Variants in PNPO observed in about 807,000 individuals in gnomAD.
PNPO encodes pyridoxine-5'-phosphate oxidase.
In PNPO, 39 loss-of-function variants were observed where a neutral mutation model predicts 35.0. The ratio of observed to expected loss-of-function variants is 1.11; its 90% CI spans 0.86 to 1.45. PNPO has a LOEUF of 1.45. Among genes scored for constraint, PNPO ranks in the 40% most tolerant of loss-of-function variants. The probability of loss-of-function intolerance (pLI) is 0.00; values close to 1 mark genes in which losing one functional copy is unlikely to be tolerated. For synonymous variants in PNPO, 115 were observed against 119.8 expected (o/e 0.96, Z 0.26); for missense variants, 288 against 340.0 (o/e 0.85, Z 1.20).
chr17:47,946,983 G>A lies in PNPO; in HGVS notation c.*201G>A, dbSNP rs1035636905. Reference sequence around the variant, plus strand: ...TGGTCAAGTGGAGTGTAATGGTGGCGTAGAGAATCACAAATGGAAAATAAT... The same window carrying A: ...TGGTCAAGTGGAGTGTAATGGTGGCATAGAGAATCACAAATGGAAAATAAT... On this transcript the variant is annotated 3_prime_UTR_variant, in exon 7 of 7. Coordinates refer to ENST00000642017, the MANE Select transcript of PNPO (RefSeq NM_018129.4). 1.8e-5 allele frequency: 11 copies of A among 595,326 alleles called. No homozygotes were observed. The highest frequency in any genetic ancestry group is 8.1e-5 in the South Asian group (4 of 49,232). 36.9% of individuals were successfully genotyped at this position (595,326 alleles called of 1,614,324 possible). A position where few individuals can be genotyped will look rare whatever the true frequency, so the allele number is the denominator to read the frequency against.
intron 1 of PNPO, 129 bp from the exon 2 acceptor site, chr17:47,943,177 C>T (rs2035964756): frequency 1.4e-6 from 1 of 707,912 alleles, no homozygotes; most frequent in East Asian, 3.0e-5. Context: ...TTACTGCATA[C>T]TATTTCTTAT....
chr17:47,949,062 C>T lies in PNPO; in HGVS notation c.*2280C>T, dbSNP rs1438039632. 1 of 152,318 alleles carries T rather than the reference C, an allele frequency of 6.6e-6. No homozygotes were observed. The highest frequency in any genetic ancestry group is 1.5e-5 in the Non-Finnish European group (1 of 68,098). The allele number at this position is 152,318 out of a possible 1,614,324, so 9.4% of individuals were successfully genotyped here. A position where few individuals can be genotyped will look rare whatever the true frequency, so the allele number is the denominator to read the frequency against. ...GGAAGGCACATTAACCCTGTGGCCCCCTGCAGGCAGGAGGGTGTTGGGTGC... is the reference window on the plus strand; with the variant it reads ...GGAAGGCACATTAACCCTGTGGCCCTCTGCAGGCAGGAGGGTGTTGGGTGC... On this transcript the variant is annotated 3_prime_UTR_variant, in exon 7 of 7. Transcript: ENST00000642017.
intron 1 of PNPO, chr17:47,942,017 T>C (rs1244875550): frequency 6.8e-6 from 9 of 1,330,526 alleles, no homozygotes; most frequent in East Asian, 5.6e-5. Flanking sequence ...GAAACGCAAA[T>C]GAAGATGGGT....
At position 47,941,715 on chromosome 17, in the gene PNPO, C is replaced by A; in HGVS notation, c.40C>A (p.Arg14=). The change falls in exon 1 of 7, where the codon CGA becomes AGA. Residue 14 remains arginine (R), a synonymous_variant. Transcript: ENST00000642017. ...WLRGVTATFG[R]PAEWPGYLSH... ...GCGGGGCGTCACGGCGACGTTCGGG[C>A]GACCTGCCGAGTGGCCAGGCTACCT... 6.5e-7 allele frequency: 1 copy of A among 1,543,060 alleles called. No homozygotes were observed. The highest frequency in any genetic ancestry group is 8.8e-7 in the Non-Finnish European group (1 of 1,141,688).
intron 5 of PNPO, 106 bp downstream of exon 5, chr17:47,946,095 T>A: frequency 7.0e-7 from 1 of 1,433,240 alleles, no homozygotes; most frequent in Non-Finnish European, 9.7e-7. Flanking sequence ...ATGTCCTCTC[T>A]CTCCAGCCCA....
chr17:47,942,179 G>A (rs2035946373), intron 1 of PNPO: 1 of 361,272 alleles, frequency 2.8e-6, no homozygotes, highest in African/African-American at 2.2e-5. Flanking sequence ...TTTGTAAAGT[G>A]CTTAGAACCC....
intron 1 of PNPO, among the ~76,000 whole-genome samples, chr17:47,943,039 C>G (rs1169457419): frequency 6.6e-6 from 1 of 152,182 alleles, no homozygotes; most frequent in Non-Finnish European, 1.5e-5. Flanking sequence ...CCAGGTGATT[C>G]TGATGCACAG....
intron 1 of PNPO, chr17:47,942,141 C>A: frequency 1.5e-6 from 1 of 689,514 alleles, no homozygotes; most frequent in Non-Finnish European, 1.9e-6. Context: ...ATAGTATCTG[C>A]CTCACGGGGA....
rs778264115 is a variant in PNPO, at chr17:47,943,447, G to A, written c.263+17G>A. ...CTGCACCAGGTGGGCATGGCTGTGG[G>A]CCCCTCTTTGGGTGGATACATATGA... On this transcript the variant is annotated intron_variant, in intron 2 of 6. Coordinates refer to ENST00000642017, the MANE Select transcript of PNPO (RefSeq NM_018129.4). 2.5e-6 allele frequency: 4 copies of A among 1,612,582 alleles called. No homozygotes were observed. In the South Asian group the frequency reaches 4.4e-5, roughly 18 times the overall value.
At position 47,946,663 on chromosome 17, in the gene PNPO, A is replaced by G. The variant is rs1598200536; in HGVS notation, c.667A>G (p.Thr223Ala). The change falls in exon 7 of 7, where the codon ACC (threonine) becomes GCC (alanine). Residue 223 changes from threonine to alanine, a missense_variant. Physicochemically the swap from Thr to Ala is moderately conservative, Grantham distance 58. Coordinates refer to ENST00000642017, the MANE Select transcript of PNPO (RefSeq NM_018129.4). ...PQVMEFWQGQTNRLHDRIVFR... is the reference protein window; with the variant it reads ...PQVMEFWQGQANRLHDRIVFR... ...GGTGATGGAGTTCTGGCAAGGTCAAACCAACCGCCTGCATGACCGGATAGT... is the reference window on the plus strand; with the variant it reads ...GGTGATGGAGTTCTGGCAAGGTCAAGCCAACCGCCTGCATGACCGGATAGT... The G allele has an allele frequency of 6.2e-7, 1 of 1,614,094 alleles. No individual in the cohort carries two copies. The highest frequency in any genetic ancestry group is 1.7e-5 in the Admixed American group (1 of 60,014).
rs753555879 is a variant in PNPO, at chr17:47,944,721, T to C, written c.363+6T>C. On this transcript the variant is annotated splice_donor_region_variant and intron_variant, in intron 3 of 6. Coordinates refer to ENST00000642017, the MANE Select transcript of PNPO (RefSeq NM_018129.4). ...GTCGAAAAGGAAAAGAGCTGGTGGG[T>C]GAAAAGAGCTAGTAATCTTTCCCAG... The C allele has an allele frequency of 4.4e-6, 7 of 1,608,138 alleles. No homozygotes were observed. The Admixed American group carries it at 8.3e-5, about 19-fold the overall frequency.
In PNPO at chr17:47,946,358, C is replaced by G. The variant is rs562226394; in HGVS notation, c.582C>G (p.Leu194=). The change falls in exon 6 of 7, where the codon CTC becomes CTG. Residue 194 remains leucine (L), a synonymous_variant. Coordinates refer to ENST00000642017, the MANE Select transcript of PNPO (RefSeq NM_018129.4). ...AGAAAAATGAGGAACTGGAACAGCT[C>G]TACCAGGATCAAGAGGTGCCCAAGC... ...LRKKNEELEQ[L]YQDQEVPKPK... is the part of the protein sequence containing the mutation. 1 of 1,613,700 alleles carries G rather than the reference C, an allele frequency of 6.2e-7. No homozygotes were observed. The highest frequency in any genetic ancestry group is 1.1e-5 in the South Asian group (1 of 91,074).
In PNPO at chr17:47,945,640, G is replaced by C. The variant is rs750972930; in HGVS notation, c.417+28G>C. 1.3e-6 allele frequency: 2 copies of C among 1,592,754 alleles called. No homozygotes were observed. Among genetic ancestry groups the C allele is most frequent in the Non-Finnish European group, 1.7e-6 (2 of 1,160,522 alleles). ...GAGTGAATTTTCCCAGGACAGCCTG[G>C]GATGGGCTGGGTTGGCAGGGCCTGA... On this transcript the variant is annotated intron_variant, in intron 4 of 6. Transcript: ENST00000642017. This position sits in a 1 kb window ranked among gnomAD's most constrained non-coding sequence, Gnocchi z 4.0.
chr17:47,944,200 C>CGTGT (rs3047638), intron 2 of PNPO, among the ~76,000 whole-genome samples: 7,054 of 142,134 alleles, frequency 0.05, 251 homozygotes, highest in African/African-American at 0.094. Context: ...CACTGCCTTT[C>CGTGT]GTGTGTGTGT....
rs1333627250 is a variant in PNPO at position 47,941,623 on chromosome 17, T to C, written c.-53T>C. ...CCAGGGTGAGAAATTGGTTCCGAAC[T>C]CAAAGGAACCCAGTGCCGGGCCACA... On this transcript the variant is annotated 5_prime_UTR_variant, in exon 1 of 7. Transcript: ENST00000642017. 2 of 1,476,692 alleles carry C rather than the reference T, an allele frequency of 1.4e-6. No homozygotes were observed. Among genetic ancestry groups the C allele is most frequent in the African/African-American group, 2.8e-5 (2 of 71,098 alleles). The allele number at this position is 1,476,692 out of a possible 1,614,324, so 91.5% of individuals were successfully genotyped here.
At position 47,941,611 on chromosome 17, in the gene PNPO, T is replaced by C. The variant is rs1304036574; in HGVS notation, c.-65T>C. The C allele has an allele frequency of 1.5e-5, 22 of 1,460,634 alleles. No homozygotes were observed. The highest frequency in any genetic ancestry group is 2.6e-5 in the East Asian group (1 of 39,068). The allele number at this position is 1,460,634 out of a possible 1,614,324, so 90.5% of individuals were successfully genotyped here. A position where few individuals can be genotyped will look rare whatever the true frequency, so the allele number is the denominator to read the frequency against. On this transcript the variant is annotated 5_prime_UTR_variant, in exon 1 of 7. Coordinates refer to ENST00000642017, the MANE Select transcript of PNPO (RefSeq NM_018129.4). ...CGGGGTAGAAGTCCAGGGTGAGAAA[T>C]TGGTTCCGAACTCAAAGGAACCCAG... is the stretch of plus-strand genomic sequence containing the variant.
At chr17:47,946,173 T>C in intron 5 of PNPO, 150 bp from the exon 6 acceptor site, 1 of 1,005,068 alleles carries the variant, frequency 9.9e-7, no homozygotes, top group South Asian at 1.3e-5. Context: ...AGGCCTCCTC[T>C]GTCCATCTGG....
At chr17:47,944,413 C>T (rs1016445290) in intron 2 of PNPO, among the ~76,000 whole-genome samples, 6 of 152,048 alleles carry the variant, frequency 3.9e-5, no homozygotes, top group Non-Finnish European at 8.8e-5. Flanking sequence ...TTTGGGGTGA[C>T]ACAATTCAGC....
intron 3 of PNPO, 197 bp downstream of exon 3, chr17:47,944,912 C>T (rs1375273935): frequency 1.6e-6 from 1 of 641,764 alleles, no homozygotes; most frequent in Non-Finnish European, 2.8e-6. Context: ...AGCCTCACCC[C>T]ATCAGCCATG....
Sources: gnomAD v4.1 joint callset for allele counts (sites outside exome capture counted in the v4.1 genomes callset) on GRCh38, gnomAD v4.1.1 for gene constraint, Gnocchi (gnomAD v3.1) non-coding constraint, MANE v1.5 for transcripts, NCBI Gene and HGNC (gene_info 2026-07-23, HGNC 2026-07-21) for gene names.